The following LMBR1 variants were observed in gnomAD, a reference collection of about 807,000 sequenced individuals.
The protein encoded by LMBR1 is limb development membrane protein 1, also known as limb region 1 protein homolog.
LMBR1 carries 52 observed loss-of-function variants against 73.9 expected under a neutral mutation model. That is an observed-to-expected ratio of 0.70 (90% CI 0.56 to 0.89). The LOEUF is 0.89. Among genes scored for constraint, LMBR1 ranks in the 40% least tolerant of loss-of-function variants. The probability of loss-of-function intolerance (pLI) is 0.00; values close to 1 mark genes in which losing one functional copy is unlikely to be tolerated. For synonymous variants in LMBR1, 215 were observed against 209.4 expected (o/e 1.03, Z -0.23); for missense variants, 539 against 579.8 (o/e 0.93, Z 0.72).
At chr7:156,888,363 T>C (rs535703941) in intron 1 of LMBR1, among the ~76,000 whole-genome samples, 57 of 149,420 alleles carry the variant, frequency 3.8e-4, no homozygotes, top group African/African-American at 1.2e-3. Context: ...TGAGCCGAGA[T>C]TGAGTCACTG....
At chr7:156,839,190 C>T (rs986228178) in intron 1 of LMBR1, among the ~76,000 whole-genome samples, 1 of 151,656 alleles carries the variant, frequency 6.6e-6, no homozygotes, top group Non-Finnish European at 1.5e-5. Flanking sequence ...GCTGGGACTA[C>T]AGGCTCACAC....
intron 4 of LMBR1, among the ~76,000 whole-genome samples, chr7:156,815,364 AAATGAC>A (rs1351526031): frequency 1.3e-5 from 2 of 152,206 alleles, no homozygotes; most frequent in Non-Finnish European, 1.5e-5. Flanking sequence ...AAATATTTTA[AAATGAC>A]AATGACAAAA....
At chr7:156,749,759 G>T (rs188658044) in intron 9 of LMBR1, among the ~76,000 whole-genome samples, 260 of 152,026 alleles carry the variant, frequency 1.7e-3, no homozygotes, top group African/African-American at 5.6e-3. Flanking sequence ...GCGTGATCTC[G>T]GCTCACTGCA....
chr7:156,853,945 G>A (rs1254759062), intron 1 of LMBR1, among the ~76,000 whole-genome samples: 6 of 148,604 alleles, frequency 4.0e-5, no homozygotes, highest in African/African-American at 7.5e-5. Context: ...ATGTGCCATC[G>A]TGCCTGGCCC....
intron 9 of LMBR1, among the ~76,000 whole-genome samples, chr7:156,744,923 G>A (rs76870323): frequency 0.02 from 3,115 of 152,050 alleles, 112 homozygotes; most frequent in African/African-American, 0.071. Context: ...GAGTCACTCC[G>A]ACCTCTTCTT....
chr7:156,793,586 G>C (rs1829597702), intron 5 of LMBR1, among the ~76,000 whole-genome samples: 1 of 152,090 alleles, frequency 6.6e-6, no homozygotes, highest in African/African-American at 2.4e-5. Flanking sequence ...AATCTGTGAG[G>C]AATTAAAAGA....
chr7:156,867,842 T>C (rs982232878), intron 1 of LMBR1, among the ~76,000 whole-genome samples: 1 of 152,184 alleles, frequency 6.6e-6, no homozygotes. Flanking sequence ...AAATGTTCTA[T>C]GATTAGACAG....
At chr7:156,864,142 ACT>A (rs1798116219) in intron 1 of LMBR1, among the ~76,000 whole-genome samples, 1 of 151,916 alleles carries the variant, frequency 6.6e-6, no homozygotes, top group African/African-American at 2.4e-5. Flanking sequence ...TGAAAGCAAG[ACT>A]CTGTCTCACA....
At chr7:156,869,274 C>T (rs1798922466) in intron 1 of LMBR1, among the ~76,000 whole-genome samples, 1 of 151,570 alleles carries the variant, frequency 6.6e-6, no homozygotes, top group African/African-American at 2.4e-5. Context: ...CTAAGATCAT[C>T]AAGAATTAGT....
intron 9 of LMBR1, chr7:156,736,659 C>G (rs1319857854): frequency 4.4e-6 from 2 of 452,722 alleles, no homozygotes; most frequent in Non-Finnish European, 8.9e-6. Flanking sequence ...CACACCTCTT[C>G]ACTCCTCCCT....
chr7:156,746,116 T>C (rs555275218), intron 9 of LMBR1, among the ~76,000 whole-genome samples: 2 of 152,360 alleles, frequency 1.3e-5, no homozygotes, highest in East Asian at 3.9e-4. Flanking sequence ...TCAGGTGTCT[T>C]TGAATCAAAG....
intron 1 of LMBR1, among the ~76,000 whole-genome samples, chr7:156,891,050 G>C (rs1012281889): frequency 4.6e-5 from 7 of 151,448 alleles, no homozygotes; most frequent in African/African-American, 1.7e-4. Flanking sequence ...AATTAGCTGG[G>C]TGTGGTGGTG....
chr7:156,719,785 T>A (rs758740567), intron 15 of LMBR1, among the ~76,000 whole-genome samples: 1 of 152,232 alleles, frequency 6.6e-6, no homozygotes. Context: ...AACAGAGCCC[T>A]CAGAAATAAT....
In LMBR1 at chr7:156,789,596, T is replaced by C. The variant is rs768449601; in HGVS notation, c.423+6793A>G. On this transcript the variant is annotated intron_variant, in intron 5 of 16. Transcript: ENST00000353442. ...ACGTTTCATAGATCAAAGATCAACA[T>C]TGTGACCCACTGAATAAATGATTTT... 8.5e-5 allele frequency among the ~76,000 whole-genome samples: 13 copies of C among 152,186 alleles called. No homozygotes were observed. The highest frequency in any genetic ancestry group is 2.1e-4 in the South Asian group (1 of 4,836).
chr7:156,735,626 T>C (rs1817726395), intron 9 of LMBR1, among the ~76,000 whole-genome samples: 1 of 151,926 alleles, frequency 6.6e-6, no homozygotes, highest in South Asian at 2.1e-4. Context: ...TTTTTGTTTT[T>C]GTTTTTGTTT....
intron 10 of LMBR1, among the ~76,000 whole-genome samples, chr7:156,731,106 A>C (rs2132458770): frequency 6.6e-6 from 1 of 152,344 alleles, no homozygotes; most frequent in African/African-American, 2.4e-5. Flanking sequence ...TAAATCTATA[A>C]AAAATAAACA....
At chr7:156,869,951 A>G (rs1799026630) in intron 1 of LMBR1, among the ~76,000 whole-genome samples, 1 of 152,212 alleles carries the variant, frequency 6.6e-6, no homozygotes. Context: ...AAATAAAAGA[A>G]AAAAACAAAA....
At chr7:156,795,497 T>C (rs1331262717) in intron 5 of LMBR1, among the ~76,000 whole-genome samples, 1 of 152,150 alleles carries the variant, frequency 6.6e-6, no homozygotes, top group Non-Finnish European at 1.5e-5. Flanking sequence ...CATCAAAAGT[T>C]ATGTTTCCAA....
chr7:156,772,302 G>A (rs561120216), intron 5 of LMBR1, among the ~76,000 whole-genome samples: 6 of 152,050 alleles, frequency 3.9e-5, no homozygotes, highest in East Asian at 3.9e-4. Flanking sequence ...TCATCTCAAC[G>A]GATGCAGAAA....
Sources: allele counts gnomAD v4.1 joint callset (sites outside exome capture counted in the v4.1 genomes callset), GRCh38; gene constraint gnomAD v4.1.1; transcripts MANE v1.5; gene names NCBI Gene and HGNC (gene_info 2026-07-23, HGNC 2026-07-21).